XKR4: variants seen among roughly 807,000 people sequenced by gnomAD.
XKR4 encodes the protein XK related 4.
XKR4 carries 12 observed loss-of-function variants against 53.9 expected under a neutral mutation model. The ratio of observed to expected loss-of-function variants is 0.22; its 90% CI spans 0.14 to 0.36. XKR4 has a LOEUF of 0.36. Ranked by LOEUF, XKR4 falls within the 10% of genes least tolerant of loss-of-function variation. The pLI is 1.00. For missense variants in XKR4, 799 were observed against 859.5 expected, an observed-to-expected ratio of 0.93 and a Z score of 0.88; for synonymous variants, 354 against 362.4, an observed-to-expected ratio of 0.98 and a Z score of 0.26.
intron 1 of XKR4, among the ~76,000 whole-genome samples, chr8:55,350,058 C>G (rs1019150335): frequency 6.6e-6 from 1 of 152,156 alleles, no homozygotes; most frequent in Non-Finnish European, 1.5e-5. Flanking sequence ...TAATGGGATA[C>G]ATTGGCTATA....
chr8:55,267,260 C>A (rs1049600413), intron 1 of XKR4, among the ~76,000 whole-genome samples: 4 of 152,178 alleles, frequency 2.6e-5, no homozygotes, highest in Non-Finnish European at 5.9e-5. Flanking sequence ...TGGTGGGCAT[C>A]TGGTGACCAT....
intron 1 of XKR4, among the ~76,000 whole-genome samples, chr8:55,304,876 G>A (rs903923793): frequency 6.6e-6 from 1 of 151,728 alleles, no homozygotes; most frequent in African/African-American, 2.4e-5. Flanking sequence ...CCTTTATTTT[G>A]AGCCTATGTG....
chr8:55,464,457 T>C (rs12675020), intron 2 of XKR4, among the ~76,000 whole-genome samples: 2 of 151,940 alleles, frequency 1.3e-5, no homozygotes, highest in African/African-American at 4.8e-5. Flanking sequence ...CAATAAATTA[T>C]GTATTGATGG....
intron 1 of XKR4, among the ~76,000 whole-genome samples, chr8:55,240,858 A>C (rs559241549): frequency 6.6e-6 from 1 of 152,350 alleles, no homozygotes; most frequent in East Asian, 1.9e-4. Flanking sequence ...TGGTGAGGAA[A>C]GCAACTCCAA....
In XKR4 at chr8:55,515,725, C is replaced by T. The variant is rs190858434; in HGVS notation, c.1007-7556C>T. Reference sequence around the variant, plus strand: ...TCTGATCCATTTTGTGAAAAGAATCCAAAATTGATCCTTTGGCCTTGGCAC... The same window carrying T: ...TCTGATCCATTTTGTGAAAAGAATCTAAAATTGATCCTTTGGCCTTGGCAC... On this transcript the variant is annotated intron_variant, in intron 2 of 2. Coordinates refer to ENST00000327381, the MANE Select transcript of XKR4 (RefSeq NM_052898.2). Among the ~76,000 whole-genome samples the T allele has an allele frequency of 4.4e-3, 666 of 152,236 alleles. 8 individuals carry two copies. Among genetic ancestry groups the T allele is most frequent in the African/African-American group, 0.015 (617 of 41,532 alleles).
chr8:55,187,163 A>T (rs1193341002), intron 1 of XKR4, among the ~76,000 whole-genome samples: 1 of 152,084 alleles, frequency 6.6e-6, no homozygotes. Flanking sequence ...GGCTTCCTGT[A>T]ACTTTTCTAT....
intron 1 of XKR4, among the ~76,000 whole-genome samples, chr8:55,145,648 T>A (rs1319430610): frequency 1.3e-5 from 2 of 152,246 alleles, no homozygotes; most frequent in African/African-American, 2.4e-5. Flanking sequence ...ACATACTTTT[T>A]AACTCAAGCT....
At chr8:55,267,396 G>C (rs971162098) in intron 1 of XKR4, among the ~76,000 whole-genome samples, 3 of 152,158 alleles carry the variant, frequency 2.0e-5, no homozygotes, top group Non-Finnish European at 2.9e-5. Flanking sequence ...AGTAAGTGTA[G>C]TGTTATTATC....
At chr8:55,299,496 G>A (rs528129725) in intron 1 of XKR4, among the ~76,000 whole-genome samples, 1 of 152,290 alleles carries the variant, frequency 6.6e-6, no homozygotes, top group South Asian at 2.1e-4. Context: ...TTCAGTCAAG[G>A]ACATAATAAT....
intron 1 of XKR4, among the ~76,000 whole-genome samples, chr8:55,328,573 T>C (rs747413848): frequency 6.6e-6 from 1 of 152,182 alleles, no homozygotes; most frequent in Non-Finnish European, 1.5e-5. Flanking sequence ...CAGCTTCACC[T>C]GTGTTTCCTG....
At chr8:55,282,831 C>G (rs1818860470) in intron 1 of XKR4, among the ~76,000 whole-genome samples, 1 of 152,244 alleles carries the variant, frequency 6.6e-6, no homozygotes, top group Non-Finnish European at 1.5e-5. Flanking sequence ...ACCACTCACT[C>G]ACTGACTCTT....
intron 1 of XKR4, among the ~76,000 whole-genome samples, chr8:55,314,332 T>G (rs2129378656): frequency 6.6e-6 from 1 of 152,266 alleles, no homozygotes; most frequent in African/African-American, 2.4e-5. Context: ...GGCATGCAAG[T>G]TCCAACCCCA....
chr8:55,221,752 C>T (rs538595721), intron 1 of XKR4, among the ~76,000 whole-genome samples: 2 of 152,332 alleles, frequency 1.3e-5, no homozygotes, highest in Admixed American at 6.5e-5. Context: ...ACTGGACTCG[C>T]TCGCTGTCTT....
At chr8:55,390,033 C>CG (rs1265060296) in intron 2 of XKR4, among the ~76,000 whole-genome samples, 2 of 152,008 alleles carry the variant, frequency 1.3e-5, no homozygotes, top group Non-Finnish European at 2.9e-5. Context: ...GAAATGCTAA[C>CG]GGGAAAAAAC....
intron 1 of XKR4, among the ~76,000 whole-genome samples, chr8:55,110,782 A>G (rs946053208): frequency 6.6e-6 from 1 of 152,162 alleles, no homozygotes; most frequent in African/African-American, 2.4e-5. Flanking sequence ...ATATACTTAT[A>G]TATGGAAGAA....
At chr8:55,494,109 G>T (rs1166204439) in intron 2 of XKR4, among the ~76,000 whole-genome samples, 1 of 152,252 alleles carries the variant, frequency 6.6e-6, no homozygotes, top group Non-Finnish European at 1.5e-5. Flanking sequence ...AGAGCAGCGA[G>T]GGGTGTATGA....
At chr8:55,378,279 G>T (rs1364031437) in intron 2 of XKR4, among the ~76,000 whole-genome samples, 1 of 152,214 alleles carries the variant, frequency 6.6e-6, no homozygotes, top group African/African-American at 2.4e-5. Flanking sequence ...AGTTCTTAAT[G>T]GTCAGAGTCA....
chr8:55,202,182 C>G (rs1279434757), intron 1 of XKR4, among the ~76,000 whole-genome samples: 1 of 152,134 alleles, frequency 6.6e-6, no homozygotes. Context: ...TAGCTTGGAC[C>G]TGCCTTTTAA....
chr8:55,162,391 G>A (rs1239386181), intron 1 of XKR4, among the ~76,000 whole-genome samples: 2 of 152,182 alleles, frequency 1.3e-5, no homozygotes. Context: ...CCATGAGATA[G>A]ACCTAAATGT....
Sources: gnomAD v4.1 joint callset for allele counts (sites outside exome capture counted in the v4.1 genomes callset) on GRCh38, gnomAD v4.1.1 for gene constraint, MANE v1.5 for transcripts, NCBI Gene and HGNC (gene_info 2026-07-23, HGNC 2026-07-21) for gene names.